Variants in IKZF3 observed in about 807,000 individuals in gnomAD.
The protein encoded by IKZF3 is zinc finger protein Aiolos.
Under a neutral mutation model 49.0 loss-of-function variants are expected in IKZF3, and 10 were observed. The ratio of observed to expected loss-of-function variants is 0.20; its 90% CI spans 0.13 to 0.35. The LOEUF is 0.35. IKZF3 is among the 10% of genes least tolerant of loss of function. The pLI is 1.00. For missense variants in IKZF3, 498 were observed against 664.8 expected, an observed-to-expected ratio of 0.75 and a Z score of 2.76; for synonymous variants, 209 against 228.2, an observed-to-expected ratio of 0.92 and a Z score of 0.76.
At chr17:39,863,534 T>A (rs1297191521) in intron 1 of IKZF3, among the ~76,000 whole-genome samples, 1 of 152,160 alleles carries the variant, frequency 6.6e-6, no homozygotes, top group African/African-American at 2.4e-5. Flanking sequence ...AAGTACAGAA[T>A]GAAAAATGTT....
chr17:39,832,211 A>T, intron 1 of IKZF3, 60 bp from the exon 2 acceptor site: 2 of 1,281,436 alleles, frequency 1.6e-6, no homozygotes, highest in South Asian at 1.3e-5. Context: ...AGGTTTGAGC[A>T]TTCCAAATTT....
intron 1 of IKZF3, among the ~76,000 whole-genome samples, chr17:39,849,589 T>C (rs1476098737): frequency 1.3e-5 from 2 of 151,758 alleles, no homozygotes; most frequent in Non-Finnish European, 2.9e-5. Context: ...GAGGTGGAGG[T>C]TGCAGTAAGC....
intron 1 of IKZF3, among the ~76,000 whole-genome samples, chr17:39,851,834 A>C (rs1166722445): frequency 6.6e-6 from 1 of 152,146 alleles, no homozygotes; most frequent in Non-Finnish European, 1.5e-5. Flanking sequence ...ATACTCACAC[A>C]TCTCCAAATA....
At chr17:39,767,028 A>C (rs913834880) in intron 7 of IKZF3, among the ~76,000 whole-genome samples, 1 of 152,164 alleles carries the variant, frequency 6.6e-6, no homozygotes, top group Non-Finnish European at 1.5e-5. Flanking sequence ...ATAGCTACAG[A>C]GATAGAGAAA....
intron 3 of IKZF3, among the ~76,000 whole-genome samples, chr17:39,795,851 G>C (rs2061148162): frequency 6.6e-6 from 1 of 151,050 alleles, no homozygotes; most frequent in Admixed American, 6.6e-5. Flanking sequence ...TCAGGAGTTT[G>C]AGACCAGCCT....
chr17:39,817,752 T>G lies in IKZF3; in HGVS notation c.163+11635A>C, dbSNP rs1340273087. On this transcript the variant is annotated intron_variant, in intron 3 of 7. Transcript: ENST00000346872. ...TAATTTATACATACTGATCATATTA[T>G]ATATTTTATAAAAGCAGGGTCCTGG... Among the ~76,000 whole-genome samples, 3 of 152,250 alleles carry G rather than the reference T, an allele frequency of 2.0e-5. No homozygotes were observed. The South Asian group carries it at 6.2e-4, about 32-fold the overall frequency.
intron 3 of IKZF3, among the ~76,000 whole-genome samples, chr17:39,818,305 G>A (rs1199403088): frequency 6.6e-6 from 1 of 152,106 alleles, no homozygotes; most frequent in African/African-American, 2.4e-5. Context: ...CTATGATAAA[G>A]TTTTAATTTA....
intron 3 of IKZF3, among the ~76,000 whole-genome samples, chr17:39,824,072 G>A (rs1479068200): frequency 6.6e-6 from 1 of 152,238 alleles, no homozygotes; most frequent in Non-Finnish European, 1.5e-5. Flanking sequence ...GCCCGTGAAA[G>A]CAGCTGGGAA....
chr17:39,824,846 C>A (rs889836604), intron 3 of IKZF3, among the ~76,000 whole-genome samples: 1 of 152,142 alleles, frequency 6.6e-6, no homozygotes, highest in Non-Finnish European at 1.5e-5. Flanking sequence ...CAGGTGCCCA[C>A]CACCACACCT....
intron 1 of IKZF3, among the ~76,000 whole-genome samples, chr17:39,843,790 G>C (rs1183620308): frequency 1.9e-4 from 29 of 149,002 alleles, no homozygotes; most frequent in Admixed American, 1.9e-3. Context: ...CTGGGCGACA[G>C]AGTGAGACTC....
chr17:39,831,986 C>A (rs930536366), intron 2 of IKZF3, 112 bp downstream of exon 2: 8 of 713,582 alleles, frequency 1.1e-5, no homozygotes, highest in African/African-American at 3.7e-5. Flanking sequence ...TAAAAAAAAA[C>A]ACACACACAT....
chr17:39,775,937 AAAAG>A (rs967763207), intron 7 of IKZF3, among the ~76,000 whole-genome samples: 6,124 of 151,158 alleles, frequency 0.041, 152 homozygotes, highest in Non-Finnish European at 0.067. Flanking sequence ...AAAAAAAAAA[AAAAG>A]AAAGAAAGAA....
chr17:39,778,476 T>C (rs1382956579), intron 6 of IKZF3, among the ~76,000 whole-genome samples: 1 of 152,188 alleles, frequency 6.6e-6, no homozygotes, highest in Admixed American at 6.5e-5. Context: ...GTATAATGCA[T>C]CTGTATTGAA....
chr17:39,863,870 AC>A (rs1280425019), intron 1 of IKZF3, among the ~76,000 whole-genome samples: 1 of 151,900 alleles, frequency 6.6e-6, no homozygotes, highest in African/African-American at 2.4e-5. Flanking sequence ...TGTAGGGTAG[AC>A]CCCCCATGTC....
At chr17:39,856,148 G>A (rs1460521716) in intron 1 of IKZF3, among the ~76,000 whole-genome samples, 1 of 151,594 alleles carries the variant, frequency 6.6e-6, no homozygotes, top group East Asian at 1.9e-4. Context: ...TTAAATGCTT[G>A]TAAGGTTACA....
chr17:39,801,065 G>A (rs548649565), intron 3 of IKZF3, among the ~76,000 whole-genome samples: 2 of 152,222 alleles, frequency 1.3e-5, no homozygotes, highest in East Asian at 3.9e-4. Context: ...CCAACTCTAC[G>A]AAGGACAAAG....
intron 1 of IKZF3, among the ~76,000 whole-genome samples, chr17:39,850,634 AG>A (rs1194419962): frequency 8.7e-6 from 1 of 115,218 alleles, no homozygotes; most frequent in African/African-American, 3.5e-5. Context: ...TATAATATAT[AG>A]CATAAATAAC....
intron 3 of IKZF3, 43 bp downstream of exon 3, chr17:39,829,344 A>C (rs953575903): frequency 7.4e-7 from 1 of 1,359,086 alleles, no homozygotes. Flanking sequence ...AGCCTAAGCA[A>C]TATCTACAGG....
intron 2 of IKZF3, among the ~76,000 whole-genome samples, chr17:39,829,946 C>T (rs1390109334): frequency 6.7e-6 from 1 of 150,318 alleles, no homozygotes; most frequent in African/African-American, 2.5e-5. Context: ...AGTGAGACTT[C>T]GTCTCAAACA....
Sources: gnomAD v4.1 joint callset for allele counts (sites outside exome capture counted in the v4.1 genomes callset) on GRCh38, gnomAD v4.1.1 for gene constraint, MANE v1.5 for transcripts, NCBI Gene and HGNC (gene_info 2026-07-23, HGNC 2026-07-21) for gene names.